The following DLGAP1 variants were observed in gnomAD, a reference collection of about 807,000 sequenced individuals.
The protein encoded by DLGAP1 is disks large-associated protein 1.
A neutral mutation model predicts 90.8 loss-of-function variants in DLGAP1; 11 were observed. That is an observed-to-expected ratio of 0.12 (90% CI 0.08 to 0.20). The LOEUF (loss-of-function observed/expected upper bound fraction) is 0.20, where lower values mean the gene tolerates loss of function less well. Among genes scored for constraint, DLGAP1 ranks in the 10% least tolerant of loss-of-function variants. DLGAP1 has a pLI of 1.00. For synonymous variants in DLGAP1, 558 were observed against 540.7 expected, an observed-to-expected ratio of 1.03 and a Z score of -0.44; for missense variants, 1,050 against 1,333.8, an observed-to-expected ratio of 0.79 and a Z score of 3.31.
chr18:3,859,276 A>G (rs991073819), intron 4 of DLGAP1, among the ~76,000 whole-genome samples: 1 of 152,210 alleles, frequency 6.6e-6, no homozygotes, highest in African/African-American at 2.4e-5. Context: ...CATATATACA[A>G]TGATCTCATT....
At chr18:4,264,397 G>C (rs1180850599) in intron 1 of DLGAP1, among the ~76,000 whole-genome samples, 1 of 152,186 alleles carries the variant, frequency 6.6e-6, no homozygotes, top group Non-Finnish European at 1.5e-5. Flanking sequence ...TTGTTCTCTG[G>C]TAAGTATTGT....
intron 11 of DLGAP1, among the ~76,000 whole-genome samples, chr18:3,507,128 G>C (rs573096461): frequency 6.6e-6 from 1 of 151,946 alleles, no homozygotes; most frequent in African/African-American, 2.4e-5. Context: ...ATTTTCTCTC[G>C]GTTGATCCCT....
At chr18:3,787,157 AT>A (rs961293453) in intron 5 of DLGAP1, among the ~76,000 whole-genome samples, 1 of 152,080 alleles carries the variant, frequency 6.6e-6, no homozygotes, top group South Asian at 2.1e-4. Flanking sequence ...ATGGCTTTAG[AT>A]TTTTTGGGCA....
chr18:3,823,649 C>A (rs908459534), intron 4 of DLGAP1, among the ~76,000 whole-genome samples: 1 of 151,942 alleles, frequency 6.6e-6, no homozygotes, highest in African/African-American at 2.4e-5. Context: ...AGATACAATC[C>A]CATAGCATTT....
chr18:3,688,387 C>A (rs1279538840), intron 7 of DLGAP1, among the ~76,000 whole-genome samples: 2 of 151,772 alleles, frequency 1.3e-5, no homozygotes, highest in East Asian at 3.9e-4. Context: ...AAGCAGAGGG[C>A]AGTTACCTTC....
At chr18:4,170,399 T>A (rs937428241) in intron 1 of DLGAP1, among the ~76,000 whole-genome samples, 1 of 152,086 alleles carries the variant, frequency 6.6e-6, no homozygotes, top group African/African-American at 2.4e-5. Context: ...CTAATAAGGA[T>A]GATAAGTAGG....
At chr18:4,371,779 T>C (rs1488354550) in intron 1 of DLGAP1, among the ~76,000 whole-genome samples, 1 of 152,202 alleles carries the variant, frequency 6.6e-6, no homozygotes, top group African/African-American at 2.4e-5. Context: ...GAATACATCA[T>C]CCTCCCTTTT....
chr18:4,123,640 C>G (rs546950238), intron 2 of DLGAP1, among the ~76,000 whole-genome samples: 1 of 152,284 alleles, frequency 6.6e-6, no homozygotes, highest in East Asian at 1.9e-4. Context: ...AGCTGCTGAA[C>G]GAACAGAGCA....
At chr18:3,541,040 A>C (rs147829770) in intron 9 of DLGAP1, among the ~76,000 whole-genome samples, 1,815 of 152,276 alleles carry the variant, frequency 0.012, 23 homozygotes, top group African/African-American at 0.026. Flanking sequence ...CCCCAGAAGG[A>C]ACTGCTTTAC....
chr18:3,772,358 T>TCTTTCCTTCCTTCCTTTCTCTCCTTCTC lies in DLGAP1; in HGVS notation c.1173-29847_1173-29846insGAGAAGGAGAGAAAGGAAGGAAGGAAAG, dbSNP rs2064677546. On this transcript the variant is annotated intron_variant, in intron 5 of 12. Coordinates refer to ENST00000315677, the MANE Select transcript of DLGAP1 (RefSeq NM_004746.4). ...TCTCTCTCTCTCTCTCTTTCTTTCT[T>TCTTTCCTTCCTTCCTTTCTCTCCTTCTC]TCTTTCTTTCTTTCTTTCTTTCTTT... Among the ~76,000 whole-genome samples the TCTTTCCTTCCTTCCTTTCTCTCCTTCTC allele has an allele frequency of 1.1e-3, 5 of 4,416 alleles. No individual in the cohort carries two copies. In the Admixed American group the frequency reaches 0.017, roughly 15 times the overall value. The allele number at this position is 4,416 out of a possible 152,430, so 2.9% of individuals were successfully genotyped here.
chr18:3,538,131 G>C (rs1406704361), intron 9 of DLGAP1, among the ~76,000 whole-genome samples: 1 of 152,126 alleles, frequency 6.6e-6, no homozygotes, highest in African/African-American at 2.4e-5. Flanking sequence ...TCACAAAAAG[G>C]AAGAGTCATC....
intron 1 of DLGAP1, among the ~76,000 whole-genome samples, chr18:4,172,938 T>C (rs1460472435): frequency 1.3e-5 from 2 of 152,222 alleles, no homozygotes; most frequent in Non-Finnish European, 2.9e-5. Context: ...TAAAACTTCC[T>C]AGGTTGTTCT....
chr18:4,082,341 CA>C (rs34416813), intron 2 of DLGAP1, among the ~76,000 whole-genome samples: 2,600 of 78,688 alleles, frequency 0.033, 92 homozygotes, highest in African/African-American at 0.12. Context: ...GACTCCATCT[CA>C]AAAAAAAAAA....
chr18:4,038,971 A>C (rs2074932334), intron 2 of DLGAP1, among the ~76,000 whole-genome samples: 1 of 152,082 alleles, frequency 6.6e-6, no homozygotes, highest in Non-Finnish European at 1.5e-5. Flanking sequence ...CAAGGGTTGC[A>C]TTCCATCCCC....
chr18:3,959,798 T>C (rs2073161988), intron 3 of DLGAP1, among the ~76,000 whole-genome samples: 1 of 152,222 alleles, frequency 6.6e-6, no homozygotes, highest in African/African-American at 2.4e-5. Context: ...ATATATTTTA[T>C]GTAACCCGAT....
At chr18:4,275,865 T>G (rs1329951346) in intron 1 of DLGAP1, among the ~76,000 whole-genome samples, 1 of 152,118 alleles carries the variant, frequency 6.6e-6, no homozygotes, top group African/African-American at 2.4e-5. Flanking sequence ...TATGAAAATA[T>G]AACAAAGAAA....
chr18:3,809,978 C>G (rs2066752995), intron 5 of DLGAP1, among the ~76,000 whole-genome samples: 1 of 152,156 alleles, frequency 6.6e-6, no homozygotes, highest in Non-Finnish European at 1.5e-5. Context: ...AATGTCTCCT[C>G]TACTTGCCTG....
chr18:3,654,199 C>T (rs928788020), intron 7 of DLGAP1, among the ~76,000 whole-genome samples: 3 of 152,170 alleles, frequency 2.0e-5, no homozygotes, highest in Non-Finnish European at 4.4e-5. Flanking sequence ...CTCCAGAGAA[C>T]TTCCTGTGAG....
At chr18:3,806,817 C>A (rs770860716) in intron 5 of DLGAP1, among the ~76,000 whole-genome samples, 4 of 152,208 alleles carry the variant, frequency 2.6e-5, no homozygotes, top group Admixed American at 6.5e-5. Context: ...TGCTCCCCTC[C>A]CTCTGCTGTC....
Sources: gnomAD v4.1 joint callset for allele counts (sites outside exome capture counted in the v4.1 genomes callset) on GRCh38, gnomAD v4.1.1 for gene constraint, MANE v1.5 for transcripts, NCBI Gene and HGNC (gene_info 2026-07-23, HGNC 2026-07-21) for gene names.